NCBP1: variants seen among roughly 807,000 people sequenced by gnomAD.
NCBP1 encodes nuclear cap binding protein subunit 1.
NCBP1 carries 16 observed loss-of-function variants against 111.7 expected under a neutral mutation model. The observed-to-expected ratio is 0.14, with a 90% CI of 0.10 to 0.22. NCBP1 has a LOEUF of 0.22. NCBP1 is among the 10% of genes least tolerant of loss of function. NCBP1 has a pLI of 1.00. For synonymous variants in NCBP1, 304 were observed against 314.3 expected (o/e 0.97, Z 0.35); for missense variants, 607 against 957.5 (o/e 0.63, Z 4.83).
chr9:97,640,206 A>C (rs1827167726), intron 1 of NCBP1, among the ~76,000 whole-genome samples: 1 of 152,190 alleles, frequency 6.6e-6, no homozygotes, highest in Admixed American at 6.5e-5. Context: ...AAACATGTGA[A>C]GCAAGTGAGA....
intron 8 of NCBP1, among the ~76,000 whole-genome samples, chr9:97,648,612 A>G (rs761470710): frequency 2.0e-5 from 3 of 152,244 alleles, no homozygotes; most frequent in African/African-American, 7.2e-5. Flanking sequence ...TAATAGTAGT[A>G]TATATCTCAT....
Position 97,672,024 on chromosome 9 carries a change from G to C in NCBP1, c.*825G>C, listed in dbSNP as rs1251415962. ...AGAATACTAAAGTGGATGTAGAAGT[G>C]GTCAGATTGACTGAAACTATACCCT... On this transcript the variant is annotated 3_prime_UTR_variant, in exon 23 of 23. Coordinates refer to ENST00000375147, the MANE Select transcript of NCBP1 (RefSeq NM_002486.5). 1.3e-5 allele frequency: 2 copies of C among 152,090 alleles called. No homozygotes were observed. Among genetic ancestry groups the C allele is most frequent in the Non-Finnish European group, 2.9e-5 (2 of 68,026 alleles). 9.4% of individuals were successfully genotyped at this position (152,090 alleles called of 1,614,324 possible).
intron 1 of NCBP1, among the ~76,000 whole-genome samples, chr9:97,634,346 A>G (rs895037291): frequency 1.3e-5 from 2 of 152,204 alleles, no homozygotes; most frequent in Non-Finnish European, 2.9e-5. Context: ...GAGAGATCTC[A>G]TGAGTTGCAG....
At chr9:97,651,178 G>A in intron 9 of NCBP1, 132 bp from the exon 10 acceptor site, 8 of 556,072 alleles carry the variant, frequency 1.4e-5, no homozygotes, top group Non-Finnish European at 2.3e-5. Flanking sequence ...GTTAAATGAA[G>A]TAACTGAAAT....
chr9:97,669,494 G>A (rs1828109871), intron 21 of NCBP1, 99 bp from the exon 22 acceptor site: 1 of 751,392 alleles, frequency 1.3e-6, no homozygotes, highest in Non-Finnish European at 2.3e-6. Context: ...CAAAGACAGG[G>A]TGGAACAGGC....
chr9:97,662,110 A>C lies in NCBP1; in HGVS notation c.1669A>C (p.Lys557Gln). The C allele has an allele frequency of 6.2e-7, 1 of 1,613,914 alleles. No homozygotes were observed. The highest frequency in any genetic ancestry group is 8.5e-7 in the Non-Finnish European group (1 of 1,179,804). Residue 557 changes from lysine (K) to glutamine (Q), a missense_variant, in exon 17 of 23, where the codon AAA becomes CAA. Physicochemically the swap from Lys to Gln is moderately conservative, Grantham distance 53 (BLOSUM62 1). This residue lies in a region of NCBP1 where 282 missense variants were observed against 376.5 expected (regional missense o/e 0.75). Transcript: ENST00000375147. ...FVQTLLHLAA[K>Q]SFSHSFSALA... is the part of the protein sequence containing the mutation. ...ACAGACTCTGCTACACTTGGCAGCC[A>C]AATCATTCAGCCACTCCTTCAGTGC...
At chr9:97,646,365 T>C (rs2131339202) in intron 6 of NCBP1, among the ~76,000 whole-genome samples, 1 of 152,306 alleles carries the variant, frequency 6.6e-6, no homozygotes, top group South Asian at 2.1e-4. Context: ...AAATAGGTCT[T>C]TTTAGTAAAT....
chr9:97,664,667 G>T (rs61208411), intron 19 of NCBP1, among the ~76,000 whole-genome samples: 2 of 152,068 alleles, frequency 1.3e-5, no homozygotes, highest in Non-Finnish European at 2.9e-5. Flanking sequence ...TTGAATCAAG[G>T]CTAAGCCAGT....
intron 9 of NCBP1, among the ~76,000 whole-genome samples, 159 bp from the exon 10 acceptor site, chr9:97,651,151 G>A (rs1827487611): frequency 6.6e-6 from 1 of 152,154 alleles, no homozygotes; most frequent in Admixed American, 6.5e-5. Flanking sequence ...GTGGTAGACA[G>A]AATAATTTAT....
At chr9:97,640,604 A>G (rs564118347) in intron 1 of NCBP1, among the ~76,000 whole-genome samples, 190 bp from the exon 2 acceptor site, 5 of 152,214 alleles carry the variant, frequency 3.3e-5, no homozygotes, top group South Asian at 2.1e-4. Flanking sequence ...GTTATTGTAT[A>G]TAGTGGCTCT....
intron 1 of NCBP1, among the ~76,000 whole-genome samples, chr9:97,636,822 C>T (rs769076343): frequency 2.6e-5 from 4 of 151,590 alleles, no homozygotes; most frequent in Non-Finnish European, 5.9e-5. Context: ...TAGTGACAGG[C>T]GCTATGGAGT....
intron 18 of NCBP1, 90 bp downstream of exon 18, chr9:97,663,137 A>G (rs972936667): frequency 3.5e-5 from 35 of 1,008,806 alleles, no homozygotes; most frequent in Non-Finnish European, 4.8e-5. Context: ...TTTGTAAAAC[A>G]TGAAATTTGA....
At chr9:97,637,303 TA>T (rs1827071651) in intron 1 of NCBP1, among the ~76,000 whole-genome samples, 1 of 152,372 alleles carries the variant, frequency 6.6e-6, no homozygotes, top group South Asian at 2.1e-4. Flanking sequence ...AGTCCAGTGC[TA>T]AATCTTAACT....
chr9:97,666,663 G>A, intron 19 of NCBP1, 100 bp from the exon 20 acceptor site: 1 of 700,324 alleles, frequency 1.4e-6, no homozygotes, highest in Non-Finnish European at 2.3e-6. Context: ...AGGACAGAAG[G>A]CTGTATCAGC....
chr9:97,668,811 A>C, intron 20 of NCBP1, 35 bp from the exon 21 acceptor site: 4 of 1,601,790 alleles, frequency 2.5e-6, no homozygotes, highest in Non-Finnish European at 3.4e-6. Flanking sequence ...TGGAATCTAA[A>C]TGGTATTTTC....
intron 6 of NCBP1, among the ~76,000 whole-genome samples, chr9:97,646,574 G>A (rs575564837): frequency 2.0e-5 from 3 of 152,160 alleles, no homozygotes; most frequent in Admixed American, 6.5e-5. Context: ...AGTGGCTCAC[G>A]CCTGTAATCC....
At chr9:97,637,975 C>G (rs1827097220) in intron 1 of NCBP1, among the ~76,000 whole-genome samples, 1 of 151,636 alleles carries the variant, frequency 6.6e-6, no homozygotes, top group South Asian at 2.1e-4. Context: ...GTAATGTTAT[C>G]TTTAATTTAC....
intron 6 of NCBP1, 66 bp downstream of exon 6, chr9:97,645,798 T>C: frequency 6.4e-7 from 1 of 1,551,858 alleles, no homozygotes; most frequent in South Asian, 1.2e-5. Flanking sequence ...AGTGATACCA[T>C]TTGAGTTTCT....
In NCBP1 at chr9:97,633,934, G is replaced by A; in HGVS notation, c.34+19G>A. The A allele has an allele frequency of 6.3e-7, 1 of 1,575,418 alleles. No individual in the cohort carries two copies. Among genetic ancestry groups the A allele is most frequent in the Non-Finnish European group, 8.6e-7 (1 of 1,167,484 alleles). On this transcript the variant is annotated intron_variant, in intron 1 of 22. Transcript: ENST00000375147. ...AACGACGGTGAGTGCCTGCGGCCCG[G>A]CCACGGAGGCCGCTCCCGGTTGGGA...
Sources: allele counts gnomAD v4.1 joint callset (sites outside exome capture counted in the v4.1 genomes callset), GRCh38; gene constraint gnomAD v4.1.1; regional missense constraint gnomAD v4.1.1; transcripts MANE v1.5; gene names NCBI Gene and HGNC (gene_info 2026-07-23, HGNC 2026-07-21).